DNAAF5: variants seen among roughly 807,000 people sequenced by gnomAD.
The protein encoded by DNAAF5 is dynein axonemal assembly factor 5, also known as HEAT repeat containing 2.
DNAAF5 carries 64 observed loss-of-function variants against 75.8 expected under a neutral mutation model. That is an observed-to-expected ratio of 0.84 (90% CI 0.69 to 1.04). The LOEUF (loss-of-function observed/expected upper bound fraction) is 1.04. DNAAF5 is among the 50% of genes least tolerant of loss of function. DNAAF5 has a pLI of 0.00. For synonymous variants in DNAAF5, 657 were observed against 557.2 expected, an observed-to-expected ratio of 1.18 and a Z score of -2.52; for missense variants, 1,269 against 1,178.5, an observed-to-expected ratio of 1.08 and a Z score of -1.12.
At chr7:773,087 C>A (rs574889877) in intron 9 of DNAAF5, 1 of 152,330 alleles carries the variant, frequency 6.6e-6, no homozygotes, top group East Asian at 1.9e-4. Context: ...CATGTGGTGA[C>A]CATGGAGCAG....
At chr7:784,462 C>G (rs897912720) in intron 12 of DNAAF5, among the ~76,000 whole-genome samples, 2 of 152,160 alleles carry the variant, frequency 1.3e-5, no homozygotes, top group Non-Finnish European at 2.9e-5. Context: ...CCTCTTAACT[C>G]CCAGCAGAAT....
At chr7:775,305 GC>G in intron 11 of DNAAF5, 143 bp downstream of exon 11, 1 of 754,870 alleles carries the variant, frequency 1.3e-6, no homozygotes, top group Middle Eastern at 3.0e-4. Context: ...TTTAATTCCA[GC>G]ACTTTAGGCA....
At position 780,053 on chromosome 7, in the gene DNAAF5, ATCCT is replaced by A; in HGVS notation, c.2341_2344del (p.Ser781ThrfsTer29). ...AGTGTGTCAAGGGTGCCAACGCAAA[ATCCT>A]ACTATCAGAGCAGTGTCCAGTACCT... On this transcript the variant is annotated frameshift_variant, in exon 12 of 13. Transcript: ENST00000297440. LOFTEE classifies it high-confidence loss of function. The A allele has an allele frequency of 1.9e-6, 3 of 1,614,134 alleles. No individual in the cohort carries two copies. Among genetic ancestry groups the A allele is most frequent in the Non-Finnish European group, 2.5e-6 (3 of 1,180,002 alleles).
chr7:735,002 CA>C (rs895026174), intron 2 of DNAAF5, among the ~76,000 whole-genome samples: 2 of 149,690 alleles, frequency 1.3e-5, no homozygotes, highest in Admixed American at 6.7e-5. Context: ...CTCACGATGT[CA>C]TTGCTCACGG....
At chr7:779,666 C>T (rs1426061988) in intron 11 of DNAAF5, among the ~76,000 whole-genome samples, 2 of 152,142 alleles carry the variant, frequency 1.3e-5, no homozygotes, top group Non-Finnish European at 2.9e-5. Context: ...ACCAGGTGAG[C>T]ACACAGCTAC....
intron 4 of DNAAF5, among the ~76,000 whole-genome samples, chr7:742,131 T>C (rs984549370): frequency 2.6e-5 from 4 of 152,198 alleles, no homozygotes; most frequent in Admixed American, 6.5e-5. Context: ...CACCTTGGGC[T>C]TCATCTGTTT....
At chr7:741,282 G>A (rs865890371) in intron 3 of DNAAF5, 65 bp from the exon 4 acceptor site, 17 of 1,230,582 alleles carry the variant, frequency 1.4e-5, no homozygotes, top group Middle Eastern at 2.7e-4. Context: ...GTGTCCTGGC[G>A]CAGCCCTGCG....
chr7:766,210 G>A (rs1381566107), intron 8 of DNAAF5, among the ~76,000 whole-genome samples: 2 of 152,156 alleles, frequency 1.3e-5, no homozygotes, highest in Admixed American at 1.3e-4. Context: ...TGGGAGTCGG[G>A]GGCACAGCCT....
Position 745,499 on chromosome 7 carries a change from G to A in DNAAF5, c.1024+4034G>A, listed in dbSNP as rs555534289. On this transcript the variant is annotated intron_variant, in intron 4 of 12. Transcript: ENST00000297440. ...CTGTGCACACATGTACATGCATATC[G>A]CACACACGTGCACATATGCACACGT... 3.4e-4 allele frequency among the ~76,000 whole-genome samples: 52 copies of A among 152,092 alleles called. 1 individual carries two copies. In the South Asian group the frequency reaches 4.4e-3, roughly 13 times the overall value.
intron 12 of DNAAF5, among the ~76,000 whole-genome samples, chr7:780,815 CTTT>C (rs139098865): frequency 9.2e-5 from 13 of 141,248 alleles, no homozygotes; most frequent in African/African-American, 2.9e-4. Flanking sequence ...TAACGATTTG[CTTT>C]TTTTTTTCTT....
At chr7:728,822 C>T (rs985824022) in intron 1 of DNAAF5, among the ~76,000 whole-genome samples, 2 of 152,036 alleles carry the variant, frequency 1.3e-5, no homozygotes, top group African/African-American at 4.8e-5. Flanking sequence ...CTCTGGCCTT[C>T]CTCTCCCCTG....
intron 9 of DNAAF5, chr7:772,885 G>A (rs944980714): frequency 1.3e-5 from 2 of 151,928 alleles, no homozygotes; most frequent in African/African-American, 4.8e-5. Flanking sequence ...TGGTTCGATG[G>A]TGGTTCTGAT....
chr7:731,555 C>T (rs935854170), intron 2 of DNAAF5, among the ~76,000 whole-genome samples: 3 of 152,222 alleles, frequency 2.0e-5, no homozygotes, highest in African/African-American at 7.2e-5. Flanking sequence ...GCTGACATCA[C>T]ATTGTTGATC....
chr7:744,416 T>C (rs1782018226), intron 4 of DNAAF5, among the ~76,000 whole-genome samples: 1 of 152,184 alleles, frequency 6.6e-6, no homozygotes, highest in African/African-American at 2.4e-5. Flanking sequence ...GCCTGTGTCT[T>C]TATAGCAGCA....
At position 779,955 on chromosome 7, in the gene DNAAF5, C is replaced by T. The variant is rs1195476707; in HGVS notation, c.2242C>T (p.Leu748Phe). 2.5e-6 allele frequency: 4 copies of T among 1,613,934 alleles called. No homozygotes were observed. Among genetic ancestry groups the T allele is most frequent in the Non-Finnish European group, 3.4e-6 (4 of 1,179,856 alleles). ...CCTGTCTCGCTCCCTCCTTCCAGAACTCTTAAAACGCCTAGATGACGTGTC... is the reference window on the plus strand; with the variant it reads ...CCTGTCTCGCTCCCTCCTTCCAGAATTCTTAAAACGCCTAGATGACGTGTC... ...PEKLIRIYPE[L>F]LKRLDDVSND... is the part of the protein sequence containing the mutation. The change falls in exon 12 of 13, where the codon CTC (leucine) becomes TTC (phenylalanine). Residue 748 changes from leucine (L) to phenylalanine (F), a missense_variant and splice_region_variant. By Grantham distance (22) the Leu-to-Phe change is conservative. Coordinates refer to ENST00000297440, the MANE Select transcript of DNAAF5 (RefSeq NM_017802.4).
At chr7:750,589 C>T (rs1782262999) in intron 4 of DNAAF5, among the ~76,000 whole-genome samples, 1 of 152,152 alleles carries the variant, frequency 6.6e-6, no homozygotes, top group Non-Finnish European at 1.5e-5. Flanking sequence ...TTTGCCCTCC[C>T]CTGAGAATCT....
chr7:741,281 C>T (rs1224168372), intron 3 of DNAAF5, 66 bp from the exon 4 acceptor site: 7 of 1,218,778 alleles, frequency 5.7e-6, no homozygotes, highest in East Asian at 2.5e-5. Flanking sequence ...CGTGTCCTGG[C>T]GCAGCCCTGC....
chr7:739,572 G>T (rs561151167), intron 2 of DNAAF5, among the ~76,000 whole-genome samples: 1 of 152,208 alleles, frequency 6.6e-6, no homozygotes, highest in Non-Finnish European at 1.5e-5. Context: ...GTGTCCCCTC[G>T]CGTGCTTCCC....
chr7:757,385 T>A (rs1330484933), intron 6 of DNAAF5, among the ~76,000 whole-genome samples: 1 of 152,020 alleles, frequency 6.6e-6, no homozygotes, highest in Non-Finnish European at 1.5e-5. Flanking sequence ...CTGCTGGGGG[T>A]AGATGTGGGG....
Sources: gnomAD v4.1 joint callset for allele counts (sites outside exome capture counted in the v4.1 genomes callset) on GRCh38, gnomAD v4.1.1 for gene constraint, MANE v1.5 for transcripts, NCBI Gene and HGNC (gene_info 2026-07-23, HGNC 2026-07-21) for gene names.